The following CDH23 variants were observed in gnomAD, a reference collection of about 807,000 sequenced individuals.
CDH23 encodes the protein cadherin related 23, also known as cadherin-23.
A neutral mutation model predicts 317.1 loss-of-function variants in CDH23; 189 were observed. That is an observed-to-expected ratio of 0.60 (90% CI 0.53 to 0.67). The LOEUF (loss-of-function observed/expected upper bound fraction) is 0.67, where lower values mean the gene tolerates loss of function less well. CDH23 is among the 30% of genes least tolerant of loss of function. CDH23 has a pLI of 0.00. For synonymous variants in CDH23, 1,839 were observed against 1,876.8 expected, an observed-to-expected ratio of 0.98 and a Z score of 0.52; for missense variants, 4,401 against 4,592.4, an observed-to-expected ratio of 0.96 and a Z score of 1.20.
intron 1 of CDH23, among the ~76,000 whole-genome samples, chr10:71,402,827 A>G (rs915822433): frequency 1.3e-5 from 2 of 152,114 alleles, no homozygotes; most frequent in East Asian, 3.9e-4. Context: ...ACATTTAAAA[A>G]TCCAGCTGGC....
chr10:71,742,590 T>C (rs547315258), intron 38 of CDH23, among the ~76,000 whole-genome samples: 2 of 152,216 alleles, frequency 1.3e-5, no homozygotes, highest in Non-Finnish European at 2.9e-5. Flanking sequence ...TCAGGAGCAC[T>C]GTGGCTGGCT....
intron 1 of CDH23, among the ~76,000 whole-genome samples, chr10:71,428,891 G>A (rs1036650253): frequency 2.0e-5 from 3 of 152,142 alleles, no homozygotes; most frequent in Admixed American, 2.0e-4. Flanking sequence ...CGCCTGGCTG[G>A]CCATTTGTAT....
At chr10:71,686,462 C>T (rs1864900765) in intron 18 of CDH23, among the ~76,000 whole-genome samples, 1 of 152,068 alleles carries the variant, frequency 6.6e-6, no homozygotes, top group Non-Finnish European at 1.5e-5. Flanking sequence ...CCTGTCTGGG[C>T]ACCCACAATC....
chr10:71,661,542 T>C (rs1016640464), intron 14 of CDH23, among the ~76,000 whole-genome samples: 4 of 152,240 alleles, frequency 2.6e-5, no homozygotes, highest in Admixed American at 6.5e-5. Context: ...TTTGGATTCC[T>C]TGGGAAGCAA....
At chr10:71,773,804 C>T (rs1223654204) in intron 38 of CDH23, among the ~76,000 whole-genome samples, 1 of 152,166 alleles carries the variant, frequency 6.6e-6, no homozygotes, top group Non-Finnish European at 1.5e-5. Context: ...CCTCTAACAG[C>T]GTGATAGACG....
At chr10:71,695,630 CTG>C (rs1865358504) in intron 22 of CDH23, 105 bp downstream of exon 22, 2 of 746,822 alleles carry the variant, frequency 2.7e-6, no homozygotes, top group Admixed American at 2.1e-5. Flanking sequence ...CTGGTGGACT[CTG>C]TGTCCCTCTG....
chr10:71,648,421 G>A (rs867777432), intron 14 of CDH23, among the ~76,000 whole-genome samples: 4 of 152,348 alleles, frequency 2.6e-5, no homozygotes, highest in South Asian at 2.1e-4. Flanking sequence ...CTGTGGGTCT[G>A]GGACCACGTG....
At chr10:71,422,044 AG>A (rs1296769030) in intron 1 of CDH23, among the ~76,000 whole-genome samples, 1 of 152,256 alleles carries the variant, frequency 6.6e-6, no homozygotes, top group Non-Finnish European at 1.5e-5. Flanking sequence ...TCTATGAGGG[AG>A]GATGCTATAA....
chr10:71,689,716 G>A (rs1307913427), intron 19 of CDH23, among the ~76,000 whole-genome samples: 1 of 152,226 alleles, frequency 6.6e-6, no homozygotes, highest in Admixed American at 6.5e-5. Context: ...CAAGTTAGAG[G>A]GTATCTTTAG....
rs1030494236 is a variant in CDH23 at position 71,707,222 on chromosome 10, C to T, written c.3106+173C>T. ...TCCCGAGGATTTGCTCCTGGCTCTT[C>T]CCAAGGGCTTTGCAGCTGGATCACT... On this transcript the variant is annotated intron_variant, in intron 26 of 69. Coordinates refer to ENST00000224721, the MANE Select transcript of CDH23 (RefSeq NM_022124.6). 4.0e-6 allele frequency: 6 copies of T among 1,484,506 alleles called. No homozygotes were observed. The African/African-American group carries it at 5.6e-5, about 14-fold the overall frequency. The allele number at this position is 1,484,506 out of a possible 1,614,324, so 92.0% of individuals were successfully genotyped here.
intron 14 of CDH23, among the ~76,000 whole-genome samples, chr10:71,648,334 C>T (rs1432321446): frequency 1.3e-5 from 2 of 152,190 alleles, no homozygotes; most frequent in African/African-American, 4.8e-5. Flanking sequence ...CCCACCATCC[C>T]CCTTCGAAGG....
intron 6 of CDH23, among the ~76,000 whole-genome samples, chr10:71,554,294 C>T (rs1380538793): frequency 6.6e-6 from 1 of 152,070 alleles, no homozygotes; most frequent in Non-Finnish European, 1.5e-5. Flanking sequence ...ATGTCCTGGG[C>T]TCAAGCATTC....
chr10:71,405,689 TG>T (rs1848065376), intron 1 of CDH23, among the ~76,000 whole-genome samples: 1 of 152,130 alleles, frequency 6.6e-6, no homozygotes, highest in African/African-American at 2.4e-5. Flanking sequence ...CCACCTGCCT[TG>T]GCCTCCCAAA....
rs1254317664 is a variant in CDH23, at chr10:71,725,535, G to T, written c.3579+15G>T. On this transcript the variant is annotated intron_variant, in intron 30 of 69. Coordinates refer to ENST00000224721, the MANE Select transcript of CDH23 (RefSeq NM_022124.6). ...GCTCCGTCAGGGTGAGGCTAGGGGC[G>T]GGCTGGGGTGCTGACCTCAGGACGG... 1 of 1,609,132 alleles carries T rather than the reference G, an allele frequency of 6.2e-7. No individual in the cohort carries two copies. Among genetic ancestry groups the T allele is most frequent in the South Asian group, 1.1e-5 (1 of 90,482 alleles).
At chr10:71,796,999 G>A (rs1022750893) in intron 48 of CDH23, 105 bp from the exon 49 acceptor site, 51 of 714,030 alleles carry the variant, frequency 7.1e-5, no homozygotes, top group East Asian at 3.9e-4. Flanking sequence ...ACTGGGGACC[G>A]TCATCCTTTG....
At chr10:71,637,289 T>C (rs1862322255) in intron 11 of CDH23, among the ~76,000 whole-genome samples, 1 of 152,042 alleles carries the variant, frequency 6.6e-6, no homozygotes, top group Non-Finnish European at 1.5e-5. Flanking sequence ...CACCCAAGCC[T>C]TTGCCCTTCT....
chr10:71,646,851 C>A, intron 14 of CDH23: 1 of 1,452,116 alleles, frequency 6.9e-7, no homozygotes, highest in Non-Finnish European at 9.1e-7. Flanking sequence ...CGAGACTGAG[C>A]TGAGGACACT....
At chr10:71,746,477 C>A (rs1401176614) in intron 38 of CDH23, among the ~76,000 whole-genome samples, 1 of 152,246 alleles carries the variant, frequency 6.6e-6, no homozygotes, top group South Asian at 2.1e-4. Flanking sequence ...CAGACCCAGG[C>A]CCGCCACACA....
intron 55 of CDH23, among the ~76,000 whole-genome samples, chr10:71,804,621 T>C (rs946400072): frequency 5.9e-5 from 9 of 152,216 alleles, no homozygotes; most frequent in African/African-American, 1.9e-4. Flanking sequence ...TTTGCTTTTT[T>C]ACCTTGTGTC....
Sources: gnomAD v4.1 joint callset for allele counts (sites outside exome capture counted in the v4.1 genomes callset) on GRCh38, gnomAD v4.1.1 for gene constraint, MANE v1.5 for transcripts, NCBI Gene and HGNC (gene_info 2026-07-23, HGNC 2026-07-21) for gene names.